MCU: variants seen among roughly 807,000 people sequenced by gnomAD.
MCU encodes the protein mitochondrial calcium uniporter.
A neutral mutation model predicts 45.2 loss-of-function variants in MCU; 12 were observed. The observed-to-expected ratio is 0.27, with a 90% confidence interval of 0.17 to 0.43. The LOEUF (loss-of-function observed/expected upper bound fraction) is 0.43. Among genes scored for constraint, MCU ranks in the 20% least tolerant of loss-of-function variants. MCU has a pLI of 1.00. For missense variants in MCU, 324 were observed against 436.7 expected, an observed-to-expected ratio of 0.74 and a Z score of 2.30; for synonymous variants, 160 against 165.1, an observed-to-expected ratio of 0.97 and a Z score of 0.24.
At position 72,762,995 on chromosome 10, in the gene MCU, C is replaced by T. The variant is rs960130686; in HGVS notation, c.150+70694C>T. On this transcript the variant is annotated intron_variant, in intron 1 of 7. Coordinates refer to ENST00000373053, the MANE Select transcript of MCU (RefSeq NM_138357.3). ...CCTTGCCTTTTCTGGTTTCTGGAGA[C>T]TACCCACATTTCCTTGGTTCATGAT... 3.9e-5 allele frequency among the ~76,000 whole-genome samples: 6 copies of T among 152,260 alleles called. No individual in the cohort carries two copies. The East Asian group carries it at 1.2e-3, about 29-fold the overall frequency.
intron 1 of MCU, among the ~76,000 whole-genome samples, chr10:72,785,369 G>T (rs896041856): frequency 6.6e-6 from 1 of 152,156 alleles, no homozygotes; most frequent in African/African-American, 2.4e-5. Context: ...CCTGTGGTAT[G>T]CAGAAACTAG....
In MCU at chr10:72,778,719, T is replaced by C. The variant is rs143921115; in HGVS notation, c.151-55640T>C. Among the ~76,000 whole-genome samples the C allele has an allele frequency of 3.0e-4, 45 of 152,222 alleles. 1 individual carries two copies. The East Asian group carries it at 6.8e-3, about 23-fold the overall frequency. On this transcript the variant is annotated intron_variant, in intron 1 of 7. Transcript: ENST00000373053. ...TCATGCATGGAAATAATGAAAACGA[T>C]TGAATATTTGACTAACTGGTCAAAC...
At chr10:72,756,451 A>G (rs1014601387) in intron 1 of MCU, 1 of 152,220 alleles carries the variant, frequency 6.6e-6, no homozygotes, top group Non-Finnish European at 1.5e-5. Context: ...TTACTTATAC[A>G]TAAAAATTTT....
Position 72,692,313 on chromosome 10 carries a change from C to A in MCU, c.150+12C>A. On this transcript the variant is annotated intron_variant, in intron 1 of 7. Transcript: ENST00000373053. Reference sequence around the variant, plus strand: ...AGCACCACCGGACGGTGAGCGAGCGCGCCCGGAGGCTCCGGGGAGGGCGGG... The same window carrying A: ...AGCACCACCGGACGGTGAGCGAGCGAGCCCGGAGGCTCCGGGGAGGGCGGG... 1 of 1,209,298 alleles carries A rather than the reference C, an allele frequency of 8.3e-7. No individual in the cohort carries two copies. The highest frequency in any genetic ancestry group is 1.0e-6 in the Non-Finnish European group (1 of 972,836). 74.9% of individuals were successfully genotyped at this position (1,209,298 alleles called of 1,614,324 possible). A position where few individuals can be genotyped will look rare whatever the true frequency, so the allele number is the denominator to read the frequency against.
chr10:72,780,491 TC>T (rs1418302773), intron 1 of MCU, among the ~76,000 whole-genome samples: 1 of 146,732 alleles, frequency 6.8e-6, no homozygotes, highest in Admixed American at 6.9e-5. Context: ...ATTTTAATGT[TC>T]TGAAGTATTC....
intron 1 of MCU, among the ~76,000 whole-genome samples, chr10:72,743,465 G>T: frequency 6.6e-6 from 1 of 150,628 alleles, no homozygotes; most frequent in Non-Finnish European, 1.5e-5. Context: ...TATCTTTATG[G>T]GGGGGAGATA....
intron 1 of MCU, among the ~76,000 whole-genome samples, chr10:72,707,471 T>A (rs1251836528): frequency 6.6e-6 from 1 of 152,232 alleles, no homozygotes; most frequent in Non-Finnish European, 1.5e-5. Flanking sequence ...AGTCTGGGAT[T>A]GCAGGCATGC....
intron 1 of MCU, among the ~76,000 whole-genome samples, chr10:72,738,466 C>G (rs774525082): frequency 6.6e-6 from 1 of 152,100 alleles, no homozygotes; most frequent in Non-Finnish European, 1.5e-5. Flanking sequence ...AAGAGCCTTT[C>G]TAGAAAGTTT....
chr10:72,702,563 A>G (rs1157577586), intron 1 of MCU, among the ~76,000 whole-genome samples: 2 of 152,200 alleles, frequency 1.3e-5, no homozygotes, highest in Admixed American at 6.5e-5. Flanking sequence ...GCCAGGAGAC[A>G]TTGTACAAAC....
chr10:72,798,125 A>G lies in MCU; in HGVS notation c.151-36234A>G, dbSNP rs568236737. Reference sequence around the variant, plus strand: ...CTCAATGATGTATAAAATTTGGACAATACATAAATGCATAAGGAAAAATGT... The same window carrying G: ...CTCAATGATGTATAAAATTTGGACAGTACATAAATGCATAAGGAAAAATGT... On this transcript the variant is annotated intron_variant, in intron 1 of 7. Transcript: ENST00000373053. Among the ~76,000 whole-genome samples, 13 of 152,328 alleles carry G rather than the reference A, an allele frequency of 8.5e-5. No homozygotes were observed. The South Asian group carries it at 1.9e-3, about 22-fold the overall frequency.
intron 1 of MCU, among the ~76,000 whole-genome samples, chr10:72,805,631 CT>C (rs1371081896): frequency 7.2e-5 from 11 of 151,998 alleles, no homozygotes; most frequent in South Asian, 2.1e-4. Flanking sequence ...AGTTTACCCC[CT>C]TTTTTTCCCC....
intron 6 of MCU, among the ~76,000 whole-genome samples, chr10:72,881,588 A>G (rs189170177): frequency 7.6e-4 from 116 of 152,350 alleles, no homozygotes; most frequent in African/African-American, 2.7e-3. Flanking sequence ...GAGGGTAAAT[A>G]GGCTGGAAGG....
At chr10:72,805,797 T>C (rs1399780843) in intron 1 of MCU, among the ~76,000 whole-genome samples, 1 of 152,254 alleles carries the variant, frequency 6.6e-6, no homozygotes, top group East Asian at 1.9e-4. Flanking sequence ...AACAGTCTAG[T>C]AGATGAACAA....
intron 4 of MCU, among the ~76,000 whole-genome samples, chr10:72,866,828 A>C (rs753170615): frequency 1.6e-4 from 24 of 151,940 alleles, no homozygotes; most frequent in Non-Finnish European, 8.8e-5. Context: ...CCAGGCCTAG[A>C]AATCAGGAGA....
chr10:72,879,618 C>T (rs891605250), intron 6 of MCU, among the ~76,000 whole-genome samples: 12 of 152,172 alleles, frequency 7.9e-5, no homozygotes, highest in African/African-American at 9.6e-5. Context: ...GATTATCACA[C>T]GTGAAAAGTC....
At chr10:72,747,835 A>C (rs957201775) in intron 1 of MCU, among the ~76,000 whole-genome samples, 5 of 152,280 alleles carry the variant, frequency 3.3e-5, no homozygotes, top group East Asian at 1.9e-4. Context: ...AGAAAAAAAC[A>C]AAACCAAACC....
At chr10:72,812,126 A>G (rs1430668729) in intron 1 of MCU, among the ~76,000 whole-genome samples, 12 of 151,620 alleles carry the variant, frequency 7.9e-5, no homozygotes, top group Non-Finnish European at 1.5e-5. Flanking sequence ...TTTAATTTGT[A>G]ATTTCAAGGT....
chr10:72,714,377 G>A (rs112523410), intron 1 of MCU, among the ~76,000 whole-genome samples: 4,785 of 41,456 alleles, frequency 0.12, 404 homozygotes, highest in African/African-American at 0.26. Context: ...TTAAAGAGAT[G>A]GGGTCTTGCT....
At chr10:72,709,608 C>G (rs1244596809) in intron 1 of MCU, among the ~76,000 whole-genome samples, 3 of 151,668 alleles carry the variant, frequency 2.0e-5, no homozygotes, top group Non-Finnish European at 4.4e-5. Flanking sequence ...TTGAGGGGAC[C>G]CCTAGGGTAT....
Sources: allele counts gnomAD v4.1 joint callset (sites outside exome capture counted in the v4.1 genomes callset), GRCh38; gene constraint gnomAD v4.1.1; transcripts MANE v1.5; gene names NCBI Gene and HGNC (gene_info 2026-07-23, HGNC 2026-07-21).